Variants in UBAP1 observed in about 807,000 individuals in gnomAD.
The protein encoded by UBAP1 is ubiquitin associated protein 1.
A neutral mutation model predicts 39.0 loss-of-function variants in UBAP1; 5 were observed. That is an observed-to-expected ratio of 0.13 (90% CI 0.07 to 0.27). The LOEUF (loss-of-function observed/expected upper bound fraction) is 0.27, where lower values mean the gene tolerates loss of function less well. Ranked by LOEUF, UBAP1 falls within the 10% of genes least tolerant of loss-of-function variation. The pLI is 1.00. For synonymous variants in UBAP1, 211 were observed against 225.1 expected, an observed-to-expected ratio of 0.94 and a Z score of 0.56; for missense variants, 490 against 608.1, an observed-to-expected ratio of 0.81 and a Z score of 2.04.
intron 4 of UBAP1, among the ~76,000 whole-genome samples, chr9:34,247,511 G>A (rs1351305495): frequency 1.3e-5 from 2 of 151,500 alleles, no homozygotes; most frequent in Non-Finnish European, 2.9e-5. Flanking sequence ...TGAGACCTCC[G>A]CCTTCTGGGT....
At chr9:34,183,981 G>A (rs1200601008) in intron 1 of UBAP1, among the ~76,000 whole-genome samples, 1 of 151,918 alleles carries the variant, frequency 6.6e-6, no homozygotes, top group Non-Finnish European at 1.5e-5. Context: ...TGTTGGTCAG[G>A]CTGGTCTCAA....
intron 1 of UBAP1, among the ~76,000 whole-genome samples, chr9:34,184,360 G>A (rs960822535): frequency 2.6e-5 from 4 of 151,266 alleles, no homozygotes; most frequent in South Asian, 2.1e-4. Context: ...GGCCGGGCGC[G>A]GTGGCTCAGG....
intron 1 of UBAP1, among the ~76,000 whole-genome samples, chr9:34,185,345 C>T (rs1388273924): frequency 6.6e-6 from 1 of 152,124 alleles, no homozygotes; most frequent in Non-Finnish European, 1.5e-5. Flanking sequence ...CCCAGAAGTT[C>T]AAGACCAGCC....
chr9:34,241,753 G>A lies in UBAP1; in HGVS notation c.728G>A (p.Cys243Tyr), dbSNP rs768714895. The change falls in exon 4 of 7, where the codon TGT becomes TAT. Residue 243 changes from cysteine to tyrosine, a missense_variant. Cys to Tyr is a radical substitution (Grantham distance 194). Transcript: ENST00000297661. ...ATAACCTTACCACAGTTGGGCAACT[G>A]TGAAAAGATGTCACTGTCTTCCAAA... ...GFITLPQLGN[C>Y]EKMSLSSKVS... 1.2e-6 allele frequency: 2 copies of A among 1,614,060 alleles called. No homozygotes were observed. The highest frequency in any genetic ancestry group is 1.1e-5 in the South Asian group (1 of 91,076).
intron 1 of UBAP1, among the ~76,000 whole-genome samples, chr9:34,206,602 A>T (rs953189187): frequency 1.3e-5 from 2 of 150,612 alleles, no homozygotes; most frequent in South Asian, 4.2e-4. Flanking sequence ...ACAAACCAAA[A>T]CCCTTCATTT....
chr9:34,250,022 C>G, intron 5 of UBAP1, 61 bp downstream of exon 5: 2 of 1,569,614 alleles, frequency 1.3e-6, no homozygotes, highest in Non-Finnish European at 1.7e-6. Context: ...TAGTGTCCTC[C>G]CCTGTCCTAG....
rs1833975385 is a variant in UBAP1 at position 34,241,891 on chromosome 9, G to C, written c.866G>C (p.Ser289Thr). ...GCCAAGCTGGCGAGCACTTTCCATAGCACATCCTGCCTCCGCAATGGCACG... is the reference window on the plus strand; with the variant it reads ...GCCAAGCTGGCGAGCACTTTCCATACCACATCCTGCCTCCGCAATGGCACG... ...KTAKLASTFH[S>T]TSCLRNGTFQ... The change falls in exon 4 of 7, where the codon AGC becomes ACC. Residue 289 changes from serine to threonine, a missense_variant. This residue lies in a region of UBAP1 where 339 missense variants were observed against 390.0 expected (regional missense o/e 0.87). Coordinates refer to ENST00000297661, the MANE Select transcript of UBAP1 (RefSeq NM_016525.5). 1 of 1,614,126 alleles carries C rather than the reference G, an allele frequency of 6.2e-7. No homozygotes were observed. The highest frequency in any genetic ancestry group is 8.5e-7 in the Non-Finnish European group (1 of 1,180,040).
chr9:34,237,648 G>T (rs1833770106), intron 3 of UBAP1, among the ~76,000 whole-genome samples: 1 of 152,084 alleles, frequency 6.6e-6, no homozygotes. Flanking sequence ...GCTCACTGCA[G>T]CCTCGACCTC....
At chr9:34,215,311 GTATA>G (rs1292758585) in intron 1 of UBAP1, among the ~76,000 whole-genome samples, 3 of 150,908 alleles carry the variant, frequency 2.0e-5, no homozygotes, top group Admixed American at 6.6e-5. Flanking sequence ...ATATAAGTAT[GTATA>G]TATGTGTCAT....
intron 1 of UBAP1, among the ~76,000 whole-genome samples, chr9:34,212,983 A>G (rs1832100293): frequency 6.6e-6 from 1 of 152,252 alleles, no homozygotes; most frequent in Non-Finnish European, 1.5e-5. Context: ...CTAGCAACAT[A>G]TCAAAAAGAT....
chr9:34,224,449 C>T, intron 2 of UBAP1: 2 of 394,406 alleles, frequency 5.1e-6, no homozygotes. Flanking sequence ...TCCCTACATG[C>T]AGCCTTAGGG....
chr9:34,234,507 G>T (rs745474132), intron 3 of UBAP1, among the ~76,000 whole-genome samples, 167 bp downstream of exon 3: 1 of 152,178 alleles, frequency 6.6e-6, no homozygotes, highest in Non-Finnish European at 1.5e-5. Context: ...GGGGCTGGGC[G>T]TGGTGGCTCA....
At chr9:34,196,898 TTGTGTGTGTGTGTGTGTGTGTGTG>T (rs777008697) in intron 1 of UBAP1, among the ~76,000 whole-genome samples, 1 of 141,316 alleles carries the variant, frequency 7.1e-6, no homozygotes, top group South Asian at 2.3e-4. Context: ...ATATTGTTAT[TTGTGTGTGTGTGTGTGTGTGTGTG>T]TGTGTGTGTG....
At chr9:34,195,936 T>TTTG in intron 1 of UBAP1, among the ~76,000 whole-genome samples, 3 of 65,070 alleles carry the variant, frequency 4.6e-5, no homozygotes, top group African/African-American at 1.4e-4. Flanking sequence ...GGTTTTTTTT[T>TTTG]TTTTTTTTTT....
At chr9:34,204,191 A>G (rs1231113842) in intron 1 of UBAP1, among the ~76,000 whole-genome samples, 1 of 152,052 alleles carries the variant, frequency 6.6e-6, no homozygotes, top group Non-Finnish European at 1.5e-5. Flanking sequence ...GCTGGGTGTG[A>G]TGGCCCACGC....
At chr9:34,225,043 G>T (rs1315946937) in intron 2 of UBAP1, among the ~76,000 whole-genome samples, 2 of 152,198 alleles carry the variant, frequency 1.3e-5, no homozygotes, top group Non-Finnish European at 2.9e-5. Flanking sequence ...ATATCTTTTG[G>T]TCAAGGCAAA....
rs117951597 is a variant in UBAP1 at position 34,226,816 on chromosome 9, C to T, written c.34+5868C>T. ...TCTTTCTTATGCTGATTATTGTCTT[C>T]GGATTAGCATAGCCTGGTTTATGAA... is the stretch of plus-strand genomic sequence containing the variant. On this transcript the variant is annotated intron_variant, in intron 2 of 6. Coordinates refer to ENST00000297661, the MANE Select transcript of UBAP1 (RefSeq NM_016525.5). Among the ~76,000 whole-genome samples, 291 of 151,960 alleles carry T rather than the reference C, an allele frequency of 1.9e-3. 4 individuals carry two copies. In the East Asian group the frequency reaches 0.047, roughly 24 times the overall value.
chr9:34,228,805 T>C (rs529942314), intron 2 of UBAP1, among the ~76,000 whole-genome samples: 47 of 151,184 alleles, frequency 3.1e-4, no homozygotes, highest in African/African-American at 1.1e-3. Context: ...GGTCTTGAAA[T>C]CCTGACCTTG....
intron 1 of UBAP1, among the ~76,000 whole-genome samples, chr9:34,186,897 TTTTTTTATTTTTTA>T (rs532332530): frequency 3.3e-5 from 5 of 152,058 alleles, no homozygotes; most frequent in African/African-American, 1.2e-4. Context: ...GTTTTGTGTT[TTTTTTTATTTTTTA>T]TTTTTTATTT....
Sources: gnomAD v4.1 joint callset for allele counts (sites outside exome capture counted in the v4.1 genomes callset) on GRCh38, gnomAD v4.1.1 for gene constraint, gnomAD v4.1.1 regional missense constraint, MANE v1.5 for transcripts, NCBI Gene and HGNC (gene_info 2026-07-23, HGNC 2026-07-21) for gene names.